MYOM3: variants seen among roughly 807,000 people sequenced by gnomAD.
MYOM3 encodes myomesin-3.
Under a neutral mutation model 191.7 loss-of-function variants are expected in MYOM3, and 155 were observed. The ratio of observed to expected loss-of-function variants is 0.81; its 90% CI spans 0.71 to 0.92. The LOEUF is 0.92. Among genes scored for constraint, MYOM3 ranks in the 40% least tolerant of loss-of-function variants. MYOM3 has a pLI of 0.00. For missense variants in MYOM3, 1,889 were observed against 1,890.6 expected (o/e 1.00, Z 0.02); for synonymous variants, 757 against 762.9 (o/e 0.99, Z 0.13).
intron 8 of MYOM3, 72 bp downstream of exon 8, chr1:24,095,370 A>C (rs1296544669): frequency 2.8e-6 from 4 of 1,434,870 alleles, no homozygotes; most frequent in Non-Finnish European, 3.9e-6. Context: ...TATTCTAAAC[A>C]GGGACTGTGG....
At chr1:24,059,072 G>A in intron 35 of MYOM3, 93 bp from the exon 36 acceptor site, 1 of 814,514 alleles carries the variant, frequency 1.2e-6, no homozygotes, top group South Asian at 1.7e-5. Flanking sequence ...TTTAAGCAAG[G>A]CTTCTTTTTT....
intron 29 of MYOM3, 89 bp from the exon 30 acceptor site, chr1:24,064,248 G>T: frequency 1.1e-6 from 1 of 932,770 alleles, no homozygotes; most frequent in Non-Finnish European, 1.7e-6. Context: ...CTCCAGGCCT[G>T]CCCCTCACTC....
chr1:24,106,127 T>C, intron 4 of MYOM3, 50 bp from the exon 5 acceptor site: 1 of 1,525,684 alleles, frequency 6.6e-7, no homozygotes, highest in Non-Finnish European at 8.8e-7. Context: ...ACCACCTCTC[T>C]GCCATCTTTG....
intron 15 of MYOM3, among the ~76,000 whole-genome samples, chr1:24,085,109 A>AATGGATGGATGGATGG (rs56001006): frequency 3.4e-5 from 5 of 148,028 alleles, no homozygotes; most frequent in African/African-American, 1.3e-4. Context: ...TGGTTGGATG[A>AATGGATGGATGGATGG]ATGGATGGAT....
chr1:24,106,103 G>T, intron 4 of MYOM3, 26 bp from the exon 5 acceptor site: 2 of 1,578,376 alleles, frequency 1.3e-6, no homozygotes, highest in Non-Finnish European at 1.7e-6. Context: ...GGTGTATGAC[G>T]CTGTGAGCCA....
At chr1:24,085,438 C>A (rs1202370488) in intron 15 of MYOM3, among the ~76,000 whole-genome samples, 1 of 152,150 alleles carries the variant, frequency 6.6e-6, no homozygotes, top group African/African-American at 2.4e-5. Flanking sequence ...GGTGCATGAT[C>A]TTCCTAGTTC....
At position 24,082,118 on chromosome 1, in the gene MYOM3, T is replaced by C. The variant is rs369555812; in HGVS notation, c.2163A>G (p.Lys721=). Residue 721 remains lysine, a synonymous_variant, in exon 18 of 37, where the codon AAA becomes AAG. Transcript: ENST00000374434. The part of the protein sequence containing the change: ...CGKNEMVIGW[K]PPKRRGGGKI... ...TGCCACCTCCACGACGCTTGGGGGG[T>C]TTCCACCCAATGACCATTTCATTCT... is the stretch of plus-strand genomic sequence containing the variant. 7 of 1,612,950 alleles carry C rather than the reference T, an allele frequency of 4.3e-6. No homozygotes were observed. The highest frequency in any genetic ancestry group is 5.9e-6 in the Non-Finnish European group (7 of 1,179,782).
chr1:24,068,154 G>A, intron 26 of MYOM3, 69 bp downstream of exon 26: 1 of 1,541,708 alleles, frequency 6.5e-7, no homozygotes, highest in Non-Finnish European at 8.9e-7. Context: ...ACTCAGGGCT[G>A]CAGGGCAGGC....
chr1:24,082,412 G>C (rs1643682804), intron 17 of MYOM3, 181 bp downstream of exon 17: 7 of 989,076 alleles, frequency 7.1e-6, no homozygotes, highest in African/African-American at 1.7e-5. Flanking sequence ...CCATCCCATG[G>C]CCTCAAGCCA....
Position 24,092,935 on chromosome 1 carries a change from C to T in MYOM3, c.1090+12G>A, listed in dbSNP as rs1479981179. The T allele has an allele frequency of 4.5e-6, 7 of 1,540,966 alleles. No homozygotes were observed. Among genetic ancestry groups the T allele is most frequent in the Non-Finnish European group, 6.1e-6 (7 of 1,145,364 alleles). ...GCTCCTGCTGCTACCCTGCGCCCAC[C>T]CATGCCCTCACCTCTCACAAGCACG... On this transcript the variant is annotated intron_variant, in intron 10 of 36. Transcript: ENST00000374434.
intron 8 of MYOM3, 98 bp downstream of exon 8, chr1:24,095,343 TG>T: frequency 8.4e-7 from 1 of 1,187,582 alleles, no homozygotes; most frequent in African/African-American, 1.5e-5. Context: ...CGTCCTTTTA[TG>T]GGCAGGGGAT....
chr1:24,061,893 G>A (rs1643373662), intron 33 of MYOM3, 53 bp downstream of exon 33: 2 of 1,604,002 alleles, frequency 1.2e-6, no homozygotes, highest in African/African-American at 1.3e-5. Context: ...TGCCCAGACT[G>A]TCCATGGGAT....
intron 29 of MYOM3, 72 bp from the exon 30 acceptor site, chr1:24,064,231 G>A (rs1643408279): frequency 1.1e-5 from 14 of 1,259,850 alleles, no homozygotes; most frequent in African/African-American, 1.5e-5. Context: ...AAATCCGGAG[G>A]CCTGGGCTCC....
chr1:24,085,914 CA>C (rs1269540241), intron 15 of MYOM3, among the ~76,000 whole-genome samples: 1 of 152,158 alleles, frequency 6.6e-6, no homozygotes, highest in East Asian at 1.9e-4. Context: ...AAATCTTCCC[CA>C]AATGGGACCT....
chr1:24,098,401 A>G (rs1186562235), intron 6 of MYOM3, among the ~76,000 whole-genome samples: 2 of 152,220 alleles, frequency 1.3e-5, no homozygotes, highest in Non-Finnish European at 2.9e-5. Flanking sequence ...TTTCTCAGAG[A>G]GCAGCAGACA....
intron 1 of MYOM3, among the ~76,000 whole-genome samples, chr1:24,109,557 T>A (rs1644021857): frequency 6.6e-6 from 1 of 152,240 alleles, no homozygotes. Flanking sequence ...TTATTTTGTA[T>A]CTGTGCATCT....
At chr1:24,086,348 G>T (rs1485629856) in intron 15 of MYOM3, among the ~76,000 whole-genome samples, 6 of 152,092 alleles carry the variant, frequency 3.9e-5, no homozygotes, top group Non-Finnish European at 5.9e-5. Context: ...CCTGTGGAAC[G>T]GAGGGACCAG....
intron 7 of MYOM3, among the ~76,000 whole-genome samples, chr1:24,097,329 G>A (rs1188437264): frequency 2.6e-5 from 4 of 152,182 alleles, no homozygotes; most frequent in African/African-American, 4.8e-5. Context: ...AGGTGGGTTC[G>A]CCTTGAATAA....
chr1:24,074,315 C>T, intron 22 of MYOM3, 46 bp from the exon 23 acceptor site: 1 of 1,474,656 alleles, frequency 6.8e-7, no homozygotes, highest in Non-Finnish European at 9.4e-7. Context: ...GCTCCTTGGT[C>T]CTGTGCACTA....
Sources: allele counts gnomAD v4.1 joint callset (sites outside exome capture counted in the v4.1 genomes callset), GRCh38; gene constraint gnomAD v4.1.1; transcripts MANE v1.5; gene names NCBI Gene and HGNC (gene_info 2026-07-23, HGNC 2026-07-21).